SNTG2: variants seen among roughly 807,000 people sequenced by gnomAD.
The protein encoded by SNTG2 is syntrophin gamma 2, also known as gamma-2-syntrophin.
SNTG2 carries 74 observed loss-of-function variants against 70.9 expected under a neutral mutation model. The observed-to-expected ratio is 1.04, with a 90% CI of 0.86 to 1.27. The LOEUF is 1.27. SNTG2 is among the 50% of genes most tolerant of loss of function. SNTG2 has a pLI of 0.00. For synonymous variants in SNTG2, 278 were observed against 273.8 expected (o/e 1.02, Z -0.15); for missense variants, 717 against 690.7 (o/e 1.04, Z -0.43).
intron 8 of SNTG2, among the ~76,000 whole-genome samples, chr2:1,201,120 A>G (rs996636666): frequency 3.9e-5 from 6 of 152,068 alleles, no homozygotes; most frequent in Non-Finnish European, 7.4e-5. Flanking sequence ...ATCATTATCC[A>G]CAAGAGTAAG....
chr2:1,255,002 G>A (rs1219158565), intron 12 of SNTG2, among the ~76,000 whole-genome samples: 8 of 152,152 alleles, frequency 5.3e-5, no homozygotes, highest in Non-Finnish European at 1.2e-4. Context: ...AGAGGTTCAC[G>A]CTGCATGGGC....
At chr2:1,365,599 C>T (rs1049947932) in intron 16 of SNTG2, among the ~76,000 whole-genome samples, 1 of 152,090 alleles carries the variant, frequency 6.6e-6, no homozygotes. Flanking sequence ...CTCCACTTGG[C>T]ATTAGTGGTA....
intron 1 of SNTG2, among the ~76,000 whole-genome samples, chr2:1,035,745 A>G (rs1461233138): frequency 6.6e-6 from 1 of 152,198 alleles, no homozygotes; most frequent in African/African-American, 2.4e-5. Context: ...TGCCTACTTT[A>G]TATATCTAAA....
intron 6 of SNTG2, chr2:1,160,288 A>G (rs1307029967): frequency 1.3e-5 from 2 of 152,246 alleles, no homozygotes. Context: ...CCAGAAGAAC[A>G]CACACAATAT....
chr2:981,824 C>T (rs1468764301), intron 1 of SNTG2, among the ~76,000 whole-genome samples: 1 of 152,200 alleles, frequency 6.6e-6, no homozygotes, highest in Admixed American at 6.5e-5. Flanking sequence ...ACTATGCACA[C>T]ACAAATGCCC....
At chr2:1,209,046 C>T in intron 8 of SNTG2, 57 bp from the exon 9 acceptor site, 1 of 1,596,914 alleles carries the variant, frequency 6.3e-7, no homozygotes, top group Non-Finnish European at 8.5e-7. Flanking sequence ...AGATGCCTCT[C>T]CCCGCATGCA....
intron 8 of SNTG2, among the ~76,000 whole-genome samples, chr2:1,188,657 A>G (rs922787901): frequency 1.6e-3 from 155 of 99,042 alleles, no homozygotes; most frequent in African/African-American, 7.9e-3. Flanking sequence ...GAAAAATGTC[A>G]ACTTAAATAG....
chr2:1,357,387 G>A (rs1417883539), intron 16 of SNTG2, among the ~76,000 whole-genome samples: 1 of 152,036 alleles, frequency 6.6e-6, no homozygotes, highest in East Asian at 1.9e-4. Context: ...CTTTTCATGA[G>A]TCTTAAAATC....
chr2:1,083,711 G>T, intron 2 of SNTG2, 56 bp downstream of exon 2: 1 of 1,597,536 alleles, frequency 6.3e-7, no homozygotes, highest in South Asian at 1.1e-5. Flanking sequence ...CCCCATGAAC[G>T]GTCTTTGAAA....
chr2:1,300,448 C>A (rs912102718), intron 14 of SNTG2, among the ~76,000 whole-genome samples: 6 of 152,176 alleles, frequency 3.9e-5, no homozygotes, highest in Non-Finnish European at 7.3e-5. Flanking sequence ...CCTCAACACC[C>A]CAGGGTGGGT....
At chr2:1,237,779 A>G (rs756876156) in intron 9 of SNTG2, 109 bp from the exon 10 acceptor site, 79 of 1,388,780 alleles carry the variant, frequency 5.7e-5, no homozygotes, top group South Asian at 3.7e-4. Context: ...CAGTTGCCCC[A>G]TGTCCTGGGT....
chr2:1,204,490 A>G (rs1673501704), intron 8 of SNTG2, among the ~76,000 whole-genome samples: 1 of 152,220 alleles, frequency 6.6e-6, no homozygotes, highest in East Asian at 1.9e-4. Context: ...AGTTACCTAC[A>G]ATCAACCACA....
At chr2:1,066,879 G>A (rs1300354087) in intron 1 of SNTG2, among the ~76,000 whole-genome samples, 1 of 152,116 alleles carries the variant, frequency 6.6e-6, no homozygotes, top group African/African-American at 2.4e-5. Flanking sequence ...ATTACTCTCA[G>A]TTGGTCGTCA....
At chr2:1,288,536 GACAC>G (rs1274703144) in intron 14 of SNTG2, among the ~76,000 whole-genome samples, 2 of 152,078 alleles carry the variant, frequency 1.3e-5, no homozygotes, top group Non-Finnish European at 2.9e-5. Context: ...GTGCACACAT[GACAC>G]ACACATGCAT....
At chr2:1,356,672 T>C (rs1245614573) in intron 16 of SNTG2, among the ~76,000 whole-genome samples, 1 of 152,208 alleles carries the variant, frequency 6.6e-6, no homozygotes, top group African/African-American at 2.4e-5. Flanking sequence ...TGTGGTTTCA[T>C]ATAAATTTTA....
chr2:1,073,135 G>T (rs748454547), intron 1 of SNTG2, among the ~76,000 whole-genome samples: 2 of 152,218 alleles, frequency 1.3e-5, no homozygotes, highest in Non-Finnish European at 2.9e-5. Context: ...AGAATATTCC[G>T]TGAGCTTAGT....
chr2:1,236,931 T>C (rs746508830), intron 9 of SNTG2, among the ~76,000 whole-genome samples: 4 of 150,384 alleles, frequency 2.7e-5, no homozygotes, highest in Non-Finnish European at 5.9e-5. Context: ...TACATTAATA[T>C]GCATTGTTTT....
chr2:1,075,603 G>A (rs913170709), intron 1 of SNTG2, among the ~76,000 whole-genome samples: 1 of 152,010 alleles, frequency 6.6e-6, no homozygotes, highest in Admixed American at 6.6e-5. Flanking sequence ...ACTGAGTGGC[G>A]TTCGTTTTTC....
chr2:981,585 G>T (rs968496944), intron 1 of SNTG2, among the ~76,000 whole-genome samples: 2 of 151,784 alleles, frequency 1.3e-5, no homozygotes, highest in African/African-American at 4.8e-5. Context: ...ACGTATTCAA[G>T]GACATGCCTG....
Sources: allele counts gnomAD v4.1 joint callset (sites outside exome capture counted in the v4.1 genomes callset), GRCh38; gene constraint gnomAD v4.1.1; transcripts MANE v1.5; gene names NCBI Gene and HGNC (gene_info 2026-07-23, HGNC 2026-07-21).